PCSK2: variants seen among roughly 807,000 people sequenced by gnomAD.
PCSK2 encodes neuroendocrine convertase 2.
In PCSK2, 14 loss-of-function variants were observed where a neutral mutation model predicts 69.7. The ratio of observed to expected loss-of-function variants is 0.20; its 90% CI spans 0.13 to 0.31. The LOEUF (loss-of-function observed/expected upper bound fraction) is 0.31. Among genes scored for constraint, PCSK2 ranks in the 10% least tolerant of loss-of-function variants. The pLI is 1.00. For missense variants in PCSK2, 544 were observed against 842.5 expected, an observed-to-expected ratio of 0.65 and a Z score of 4.39; for synonymous variants, 307 against 320.7, an observed-to-expected ratio of 0.96 and a Z score of 0.46.
chr20:17,248,990 T>TA (rs1286578961), intron 1 of PCSK2, among the ~76,000 whole-genome samples: 3 of 151,988 alleles, frequency 2.0e-5, no homozygotes, highest in African/African-American at 4.8e-5. Context: ...GTGTCTTCTC[T>TA]AAAAAAATGA....
At chr20:17,276,117 A>G (rs187990034) in intron 2 of PCSK2, among the ~76,000 whole-genome samples, 5 of 152,326 alleles carry the variant, frequency 3.3e-5, no homozygotes, top group Admixed American at 2.0e-4. Context: ...CCTATGTAGT[A>G]GCATTTTTGT....
chr20:17,234,277 T>C (rs2122936234), intron 1 of PCSK2, among the ~76,000 whole-genome samples: 1 of 152,284 alleles, frequency 6.6e-6, no homozygotes, highest in East Asian at 1.9e-4. Context: ...CAGCAACAAA[T>C]AGAACCCATT....
chr20:17,407,900 A>C (rs929607058), intron 5 of PCSK2, among the ~76,000 whole-genome samples: 3 of 152,212 alleles, frequency 2.0e-5, no homozygotes, highest in African/African-American at 7.2e-5. Context: ...CTGCCCAAGT[A>C]CAGCATTTAT....
chr20:17,451,915 C>CTTTTTTTTTT (rs34323701), intron 8 of PCSK2, among the ~76,000 whole-genome samples: 2 of 101,610 alleles, frequency 2.0e-5, no homozygotes, highest in South Asian at 3.6e-4. Context: ...TTGTACTTTG[C>CTTTTTTTTTT]TTTTTTTTTT....
chr20:17,245,391 G>A (rs1458014964), intron 1 of PCSK2, among the ~76,000 whole-genome samples: 1 of 152,206 alleles, frequency 6.6e-6, no homozygotes, highest in South Asian at 2.1e-4. Flanking sequence ...CAGCATTCTT[G>A]TGGGTTATTC....
In PCSK2 at chr20:17,260,111, TTTGCCAGTGGTTTCC is replaced by T; in HGVS notation, c.178-124_178-110del. 4 of 672,184 alleles carry T rather than the reference TTTGCCAGTGGTTTCC, an allele frequency of 6.0e-6. No homozygotes were observed. The South Asian group carries it at 6.9e-5, about 12-fold the overall frequency. The allele number at this position is 672,184 out of a possible 1,614,324, so 41.6% of individuals were successfully genotyped here. On this transcript the variant is annotated intron_variant, in intron 1 of 11. Coordinates refer to ENST00000262545, the MANE Select transcript of PCSK2 (RefSeq NM_002594.5). ...ATAGAGGACCAGGACTGACAGGAGG[TTTGCCAGTGGTTTCC>T]TTGCATACTTCCCTACCCCATGGAG...
In PCSK2 at chr20:17,430,860, A is replaced by G. The variant is rs2032349056; in HGVS notation, c.709+1337A>G. 2.0e-5 allele frequency among the ~76,000 whole-genome samples: 3 copies of G among 152,334 alleles called. No individual in the cohort carries two copies. The East Asian group carries it at 5.8e-4, about 29-fold the overall frequency. ...ACACCCAAGGTAACTGGTTTTTGGAACAAAGTAAAATGACCACCTGCAAAA... is the reference window on the plus strand; with the variant it reads ...ACACCCAAGGTAACTGGTTTTTGGAGCAAAGTAAAATGACCACCTGCAAAA... On this transcript the variant is annotated intron_variant, in intron 7 of 11. Transcript: ENST00000262545.
chr20:17,478,988 C>T, intron 11 of PCSK2: 8 of 721,768 alleles, frequency 1.1e-5, no homozygotes, highest in Non-Finnish European at 1.9e-5. Context: ...AAGTATATTG[C>T]ACACTTGTCA....
chr20:17,445,659 ATCAG>A (rs1245014254), intron 8 of PCSK2, among the ~76,000 whole-genome samples: 1 of 152,206 alleles, frequency 6.6e-6, no homozygotes, highest in Non-Finnish European at 1.5e-5. Context: ...CTGAAATTTA[ATCAG>A]AGCCACGGGT....
At chr20:17,279,766 A>C (rs1309658272) in intron 2 of PCSK2, among the ~76,000 whole-genome samples, 2 of 151,146 alleles carry the variant, frequency 1.3e-5, no homozygotes, top group Non-Finnish European at 2.9e-5. Flanking sequence ...CTGCCTGGGC[A>C]ACAGGAGCGA....
At chr20:17,254,162 C>T (rs1987094218) in intron 1 of PCSK2, among the ~76,000 whole-genome samples, 1 of 152,084 alleles carries the variant, frequency 6.6e-6, no homozygotes, top group South Asian at 2.1e-4. Context: ...TGTGGGTTGT[C>T]TTTTCGTTTC....
chr20:17,285,390 C>T (rs1457162576), intron 2 of PCSK2, among the ~76,000 whole-genome samples: 1 of 152,134 alleles, frequency 6.6e-6, no homozygotes, highest in Non-Finnish European at 1.5e-5. Flanking sequence ...AACTGACCTG[C>T]TTGGAAAATG....
At chr20:17,301,479 A>T (rs1027636532) in intron 2 of PCSK2, among the ~76,000 whole-genome samples, 1 of 152,238 alleles carries the variant, frequency 6.6e-6, no homozygotes, top group South Asian at 2.1e-4. Flanking sequence ...ATTAATTTCC[A>T]TAAGGAGACA....
At chr20:17,445,694 G>T (rs1473596626) in intron 8 of PCSK2, among the ~76,000 whole-genome samples, 1 of 152,220 alleles carries the variant, frequency 6.6e-6, no homozygotes, top group Non-Finnish European at 1.5e-5. Context: ...GGCGGCGAGT[G>T]CCAGGGCCTC....
chr20:17,246,714 C>G (rs920843592), intron 1 of PCSK2, among the ~76,000 whole-genome samples: 7 of 151,570 alleles, frequency 4.6e-5, no homozygotes, highest in Non-Finnish European at 1.0e-4. Flanking sequence ...TGGTCTGTCC[C>G]CTAGTGGTCC....
intron 1 of PCSK2, among the ~76,000 whole-genome samples, chr20:17,253,364 A>T (rs1987063097): frequency 6.6e-6 from 1 of 152,098 alleles, no homozygotes; most frequent in African/African-American, 2.4e-5. Context: ...ATCACTCTTC[A>T]TTTCTGTCCC....
intron 2 of PCSK2, among the ~76,000 whole-genome samples, chr20:17,347,423 C>T (rs1422439979): frequency 6.6e-6 from 1 of 152,134 alleles, no homozygotes; most frequent in Non-Finnish European, 1.5e-5. Context: ...ATCTGAGCCC[C>T]TTGGAGAGGC....
At chr20:17,375,048 T>A (rs902900749) in intron 5 of PCSK2, among the ~76,000 whole-genome samples, 7 of 152,170 alleles carry the variant, frequency 4.6e-5, no homozygotes, top group Admixed American at 6.5e-5. Context: ...ATCCGTGAAA[T>A]GGGCAAAATG....
intron 5 of PCSK2, among the ~76,000 whole-genome samples, chr20:17,390,006 C>A (rs2031332839): frequency 1.3e-5 from 2 of 152,072 alleles, no homozygotes; most frequent in Admixed American, 1.3e-4. Context: ...ATTCCAATGC[C>A]CGTCAACAAG....
Sources: gnomAD v4.1 joint callset for allele counts (sites outside exome capture counted in the v4.1 genomes callset) on GRCh38, gnomAD v4.1.1 for gene constraint, MANE v1.5 for transcripts, NCBI Gene and HGNC (gene_info 2026-07-23, HGNC 2026-07-21) for gene names.